SAMD3: variants seen among roughly 807,000 people sequenced by gnomAD.
SAMD3 encodes the protein sterile alpha motif domain containing 3.
A neutral mutation model predicts 58.5 loss-of-function variants in SAMD3; 63 were observed. That is an observed-to-expected ratio of 1.08 (90% CI 0.88 to 1.33). The LOEUF (loss-of-function observed/expected upper bound fraction) is 1.33. Among genes scored for constraint, SAMD3 ranks in the 40% most tolerant of loss-of-function variants. The pLI is 0.00. For missense variants in SAMD3, 604 were observed against 608.4 expected (o/e 0.99, Z 0.08); for synonymous variants, 220 against 210.3 (o/e 1.05, Z -0.40).
At chr6:130,230,610 A>C (rs1796517836) in intron 2 of SAMD3, among the ~76,000 whole-genome samples, 1 of 150,458 alleles carries the variant, frequency 6.6e-6, no homozygotes. Flanking sequence ...CTGGTCTTGA[A>C]CTCCTGACCT....
intron 1 of SAMD3, among the ~76,000 whole-genome samples, chr6:130,345,538 G>T (rs1777419022): frequency 6.6e-6 from 1 of 152,060 alleles, no homozygotes; most frequent in South Asian, 2.1e-4. Flanking sequence ...TAAAATTATG[G>T]ATGAGATTGG....
At chr6:130,354,509 T>C (rs1470552834) in intron 1 of SAMD3, among the ~76,000 whole-genome samples, 1 of 152,170 alleles carries the variant, frequency 6.6e-6, no homozygotes, top group Non-Finnish European at 1.5e-5. Flanking sequence ...AAGAAAGAGA[T>C]CACATCCTTT....
chr6:130,307,814 C>T (rs574861715), intron 2 of SAMD3, among the ~76,000 whole-genome samples: 1 of 152,270 alleles, frequency 6.6e-6, no homozygotes, highest in East Asian at 1.9e-4. Context: ...CAGATAGATG[C>T]TGGTCTGAGA....
chr6:130,189,159 A>G (rs1582853732), intron 5 of SAMD3, among the ~76,000 whole-genome samples: 1 of 152,178 alleles, frequency 6.6e-6, no homozygotes, highest in East Asian at 1.9e-4. Flanking sequence ...TAGGAACTGA[A>G]TTGTGTTCCT....
chr6:130,268,828 T>G (rs1774453564), intron 2 of SAMD3, among the ~76,000 whole-genome samples: 1 of 152,174 alleles, frequency 6.6e-6, no homozygotes, highest in Non-Finnish European at 1.5e-5. Context: ...AGAATGTATC[T>G]CTGCCATTAA....
chr6:130,143,563 C>T (rs1348960517), downstream of SAMD3, among the ~76,000 whole-genome samples: 3 of 152,052 alleles, frequency 2.0e-5, no homozygotes, highest in Non-Finnish European at 2.9e-5. Flanking sequence ...CTTTCTTAAA[C>T]TTAAAAAAAA....
chr6:130,187,298 A>G (rs1324549042), intron 5 of SAMD3, among the ~76,000 whole-genome samples: 2 of 151,772 alleles, frequency 1.3e-5, no homozygotes, highest in Non-Finnish European at 2.9e-5. Flanking sequence ...TTTATTCTAC[A>G]TACTTTCCCT....
intron 2 of SAMD3, among the ~76,000 whole-genome samples, chr6:130,278,898 T>C (rs1024385338): frequency 2.6e-5 from 4 of 152,162 alleles, no homozygotes; most frequent in African/African-American, 9.7e-5. Context: ...TGTAGTTACA[T>C]AGACGGTGGG....
chr6:130,342,026 G>A (rs972974903), intron 1 of SAMD3, among the ~76,000 whole-genome samples: 1 of 152,120 alleles, frequency 6.6e-6, no homozygotes, highest in Non-Finnish European at 1.5e-5. Context: ...TTTGTTTTGG[G>A]ACAGTAGTTC....
intron 5 of SAMD3, among the ~76,000 whole-genome samples, chr6:130,205,694 A>G (rs1466879453): frequency 6.6e-6 from 1 of 152,168 alleles, no homozygotes; most frequent in Non-Finnish European, 1.5e-5. Flanking sequence ...AAACATGGTC[A>G]TTGTCCTTGA....
chr6:130,314,851 A>G (rs1206975802), intron 1 of SAMD3, among the ~76,000 whole-genome samples: 3 of 152,192 alleles, frequency 2.0e-5, no homozygotes, highest in Non-Finnish European at 2.9e-5. Flanking sequence ...AGTTTTCTAC[A>G]GGTATAGCTA....
At chr6:130,192,066 A>C (rs1793598039) in intron 5 of SAMD3, among the ~76,000 whole-genome samples, 1 of 152,144 alleles carries the variant, frequency 6.6e-6, no homozygotes, top group South Asian at 2.1e-4. Flanking sequence ...GGTTCTCCTC[A>C]TCTGAATCCC....
intron 1 of SAMD3, among the ~76,000 whole-genome samples, chr6:130,333,680 T>A (rs1479130202): frequency 6.6e-6 from 1 of 152,186 alleles, no homozygotes; most frequent in African/African-American, 2.4e-5. Context: ...TGATATAAGC[T>A]CTTGTACTGT....
At chr6:130,308,448 T>C (rs1282760712) in intron 2 of SAMD3, among the ~76,000 whole-genome samples, 1 of 108,636 alleles carries the variant, frequency 9.2e-6, no homozygotes, top group African/African-American at 6.5e-5. Context: ...CTTTTGTGTG[T>C]GTGTGTAGGA....
intron 1 of SAMD3, among the ~76,000 whole-genome samples, chr6:130,360,601 AC>A (rs1401390980): frequency 3.3e-5 from 5 of 152,182 alleles, no homozygotes; most frequent in African/African-American, 1.2e-4. Flanking sequence ...GGACCACAGG[AC>A]CGGGGCAAAA....
chr6:130,307,789 A>T (rs1583078451), intron 2 of SAMD3, among the ~76,000 whole-genome samples: 1 of 152,236 alleles, frequency 6.6e-6, no homozygotes, highest in Admixed American at 6.5e-5. Context: ...ATTATAATCA[A>T]TGTTTTTGTA....
intron 2 of SAMD3, among the ~76,000 whole-genome samples, chr6:130,269,267 A>G (rs75511219): frequency 0.063 from 9,570 of 152,212 alleles, 788 homozygotes; most frequent in African/African-American, 0.19. Flanking sequence ...CATTGGGTAT[A>G]TTCATGGGCA....
rs960513897 is a variant in SAMD3 at position 130,222,778 on chromosome 6, C to T, written c.-152G>A. 35 of 152,268 alleles carry T rather than the reference C, an allele frequency of 2.3e-4. No individual in the cohort carries two copies. Among genetic ancestry groups the T allele is most frequent in the South Asian group, 1.0e-3 (5 of 4,820 alleles). The allele number at this position is 152,268 out of a possible 1,614,324, so 9.4% of individuals were successfully genotyped here. On this transcript the variant is annotated 5_prime_UTR_variant, in exon 1 of 12. Coordinates refer to ENST00000439090, the MANE Select transcript of SAMD3 (RefSeq NM_001017373.4). ...AGCACCCCTCCTCCCCAGGCAAATC[C>T]GATCAGTGGATGTGGTTCTGGTTCC...
chr6:130,235,289 T>C (rs1773107650), intron 2 of SAMD3, among the ~76,000 whole-genome samples: 1 of 152,230 alleles, frequency 6.6e-6, no homozygotes, highest in South Asian at 2.1e-4. Context: ...ACTCTCATCA[T>C]TCAACTCTAA....
Sources: allele counts gnomAD v4.1 joint callset (sites outside exome capture counted in the v4.1 genomes callset), GRCh38; gene constraint gnomAD v4.1.1; transcripts MANE v1.5; gene names NCBI Gene and HGNC (gene_info 2026-07-23, HGNC 2026-07-21).